The following FRAS1 variants were observed in gnomAD, a reference collection of about 807,000 sequenced individuals.
FRAS1 encodes Fraser extracellular matrix complex subunit 1, also known as extracellular matrix organizing protein FRAS1.
Under a neutral mutation model 435.2 loss-of-function variants are expected in FRAS1, and 290 were observed. The ratio of observed to expected loss-of-function variants is 0.67; its 90% CI spans 0.61 to 0.73. The LOEUF (loss-of-function observed/expected upper bound fraction) is 0.73. FRAS1 is among the 30% of genes least tolerant of loss of function. The pLI is 0.00. For synonymous variants in FRAS1, 1,800 were observed against 1,851.0 expected, an observed-to-expected ratio of 0.97 and a Z score of 0.71; for missense variants, 4,860 against 5,001.5, an observed-to-expected ratio of 0.97 and a Z score of 0.85.
rs115838567 is a variant in FRAS1 at position 78,530,031 on chromosome 4, A to T, written c.10925+3374A>T. 6.8e-3 allele frequency among the ~76,000 whole-genome samples: 1,040 copies of T among 152,204 alleles called. 7 individuals are homozygous for T. Among genetic ancestry groups the T allele is most frequent in the Non-Finnish European group, 0.011 (772 of 67,996 alleles). On this transcript the variant is annotated intron_variant, in intron 70 of 73. Transcript: ENST00000512123. ...AACTCAGTGAATCATTTGTTGATTC[A>T]TTTGTGTTGATTCATGTAGCTGTAG...
chr4:78,243,550 A>G (rs1160402408), intron 3 of FRAS1, among the ~76,000 whole-genome samples: 1 of 151,932 alleles, frequency 6.6e-6, no homozygotes, highest in Non-Finnish European at 1.5e-5. Context: ...CCACATGCAA[A>G]ATTTTTATTC....
intron 31 of FRAS1, among the ~76,000 whole-genome samples, chr4:78,412,293 G>T (rs1733369643): frequency 6.6e-6 from 1 of 152,214 alleles, no homozygotes; most frequent in Non-Finnish European, 1.5e-5. Context: ...ACATGGCTTA[G>T]CAAACAATGG....
chr4:78,421,660 A>G (rs1733792057), intron 33 of FRAS1, among the ~76,000 whole-genome samples: 1 of 152,150 alleles, frequency 6.6e-6, no homozygotes, highest in Non-Finnish European at 1.5e-5. Context: ...TATTTCATGA[A>G]TCTCAGTCAA....
Position 78,499,728 on chromosome 4 carries a change from C to T in FRAS1, c.9123C>T (p.Thr3041=), listed in dbSNP as rs763383473. The T allele has an allele frequency of 6.2e-7, 1 of 1,613,582 alleles. No individual in the cohort carries two copies. The highest frequency in any genetic ancestry group is 1.7e-5 in the Admixed American group (1 of 60,014). ...ITISNDEDAP[T]IEFEEAAYQV... ...CTAACCATATTTCCTTAGCCCCCAC[C>T]ATTGAGTTTGAAGAAGCTGCATACC... The change falls in exon 61 of 74, where the codon ACC becomes ACT. Residue 3041 remains threonine, a synonymous_variant. Transcript: ENST00000512123.
intron 2 of FRAS1, among the ~76,000 whole-genome samples, chr4:78,193,593 C>T (rs1481729707): frequency 2.0e-5 from 3 of 152,102 alleles, no homozygotes; most frequent in African/African-American, 2.4e-5. Context: ...AGGATTGCAA[C>T]CCCTGTCTTT....
chr4:78,543,952 C>T lies in FRAS1; in HGVS notation c.*2828C>T, dbSNP rs1446415712. 1 of 138,068 alleles carries T rather than the reference C, an allele frequency of 7.2e-6. No homozygotes were observed. Among genetic ancestry groups the T allele is most frequent in the Non-Finnish European group, 1.6e-5 (1 of 62,410 alleles). The allele number at this position is 138,068 out of a possible 1,614,324, so 8.6% of individuals were successfully genotyped here. On this transcript the variant is annotated 3_prime_UTR_variant, in exon 74 of 74. Coordinates refer to ENST00000512123, the MANE Select transcript of FRAS1 (RefSeq NM_025074.7). ...AGAAAGAATGGTCTGTACCATTCTG[C>T]TTTGCTGCCCTTTTATTGTACCCCA...
At chr4:78,332,696 C>G (rs11737491) in intron 18 of FRAS1, among the ~76,000 whole-genome samples, 83,011 of 150,828 alleles carry the variant, frequency 0.55, 25,572 homozygotes, top group Non-Finnish European at 0.7. Context: ...CTGTGATGCT[C>G]TTATTCTCTG....
chr4:78,283,562 A>G (rs772194561), intron 12 of FRAS1, among the ~76,000 whole-genome samples: 13 of 152,312 alleles, frequency 8.5e-5, no homozygotes, highest in Middle Eastern at 6.8e-3. Flanking sequence ...TAGTTTGCCT[A>G]TAAGTTTAGT....
chr4:78,210,920 C>G (rs1376295928), intron 2 of FRAS1, among the ~76,000 whole-genome samples: 1 of 152,114 alleles, frequency 6.6e-6, no homozygotes, highest in East Asian at 1.9e-4. Flanking sequence ...AGTTTATGGG[C>G]ACCCCATGTC....
At chr4:78,518,459 T>C (rs1384072476) in intron 66 of FRAS1, among the ~76,000 whole-genome samples, 1 of 103,474 alleles carries the variant, frequency 9.7e-6, no homozygotes, top group African/African-American at 3.3e-5. Flanking sequence ...TATATTTATT[T>C]ATTTATTTAT....
chr4:78,492,309 T>C (rs1040240177), intron 59 of FRAS1, among the ~76,000 whole-genome samples: 2 of 152,180 alleles, frequency 1.3e-5, no homozygotes, highest in Admixed American at 1.3e-4. Flanking sequence ...AAATTTCATA[T>C]GGAACCATAA....
chr4:78,523,223 A>G (rs150662989), intron 69 of FRAS1, among the ~76,000 whole-genome samples: 1,744 of 152,348 alleles, frequency 0.011, 31 homozygotes, highest in African/African-American at 0.04. Context: ...GAAGGGGCAC[A>G]CATCACTTTC....
intron 31 of FRAS1, among the ~76,000 whole-genome samples, chr4:78,409,360 A>G (rs1733245296): frequency 6.6e-6 from 1 of 152,122 alleles, no homozygotes; most frequent in Admixed American, 6.6e-5. Context: ...CAAAACTTAA[A>G]TCATATGGAC....
rs1226293889 is a variant in FRAS1, at chr4:78,217,532, GC to G, written c.109-19977del. Among the ~76,000 whole-genome samples the G allele has an allele frequency of 1.2e-4, 19 of 152,222 alleles. 1 individual carries two copies. Among genetic ancestry groups the G allele is most frequent in the African/African-American group, 4.6e-4 (19 of 41,538 alleles). ...CAGAGGAGCCCAAGAGATGTGGACA[GC>G]TTAAAGATTCATTTTGGAGATAAGA... On this transcript the variant is annotated intron_variant, in intron 2 of 73. Coordinates refer to ENST00000512123, the MANE Select transcript of FRAS1 (RefSeq NM_025074.7).
At chr4:78,215,411 G>A (rs563897595) in intron 2 of FRAS1, among the ~76,000 whole-genome samples, 4 of 152,240 alleles carry the variant, frequency 2.6e-5, no homozygotes, top group Non-Finnish European at 5.9e-5. Flanking sequence ...GGCCAGGATG[G>A]TCTTGATCTC....
chr4:78,298,476 TA>T (rs1728251732), intron 14 of FRAS1, among the ~76,000 whole-genome samples: 1 of 152,098 alleles, frequency 6.6e-6, no homozygotes, highest in Non-Finnish European at 1.5e-5. Context: ...TGTGTTGAAA[TA>T]AAAATTCTTT....
chr4:78,543,140 G>C lies in FRAS1; in HGVS notation c.*2016G>C, dbSNP rs1722107460. 1 of 152,220 alleles carries C rather than the reference G, an allele frequency of 6.6e-6. No homozygotes were observed. The highest frequency in any genetic ancestry group is 2.1e-4 in the South Asian group (1 of 4,834). The allele number at this position is 152,220 out of a possible 1,614,324, so 9.4% of individuals were successfully genotyped here. A position where few individuals can be genotyped will look rare whatever the true frequency, so the allele number is the denominator to read the frequency against. On this transcript the variant is annotated 3_prime_UTR_variant, in exon 74 of 74. Transcript: ENST00000512123. ...ACTGGTCAGGTGCTACTTAAGACCA[G>C]CTTGGGCAATTCAGGGCAGAACTCC...
chr4:78,216,091 G>A (rs1361099507), intron 2 of FRAS1, among the ~76,000 whole-genome samples: 1 of 152,106 alleles, frequency 6.6e-6, no homozygotes, highest in African/African-American at 2.4e-5. Context: ...GACATCTGTG[G>A]CCACCACTTG....
chr4:78,181,645 A>G, intron 2 of FRAS1: 1 of 1,610,194 alleles, frequency 6.2e-7, no homozygotes, highest in Non-Finnish European at 8.5e-7. Context: ...ATCTTCGTTC[A>G]CAAGGTGGTT....
Sources: gnomAD v4.1 joint callset for allele counts (sites outside exome capture counted in the v4.1 genomes callset) on GRCh38, gnomAD v4.1.1 for gene constraint, MANE v1.5 for transcripts, NCBI Gene and HGNC (gene_info 2026-07-23, HGNC 2026-07-21) for gene names.